ADAMTS6: variants seen among roughly 807,000 people sequenced by gnomAD.
The protein encoded by ADAMTS6 is ADAM metallopeptidase with thrombospondin type 1 motif 6.
Under a neutral mutation model 144.3 loss-of-function variants are expected in ADAMTS6, and 23 were observed. The ratio of observed to expected loss-of-function variants is 0.16; its 90% CI spans 0.11 to 0.23. The LOEUF (loss-of-function observed/expected upper bound fraction) is 0.23. Among genes scored for constraint, ADAMTS6 ranks in the 10% least tolerant of loss-of-function variants. ADAMTS6 has a pLI of 1.00. For missense variants in ADAMTS6, 999 were observed against 1,379.6 expected (o/e 0.72, Z 4.37); for synonymous variants, 444 against 457.5 (o/e 0.97, Z 0.38).
Position 65,452,158 on chromosome 5 carries a change from C to A in ADAMTS6, c.902G>T (p.Arg301Leu). 1 of 1,609,610 alleles carries A rather than the reference C, an allele frequency of 6.2e-7. No individual in the cohort carries two copies. Among genetic ancestry groups the A allele is most frequent in the Non-Finnish European group, 8.5e-7 (1 of 1,177,486 alleles). ...CTGATCTTCTGTGAGAACAATTAAG[C>A]GGGCCACTATAATATTCACAACGTT... The part of the protein sequence containing the change: ...LGNVVNIIVA[R>L]LIVLTEDQPN... The change falls in exon 6 of 25, where the codon CGC becomes CTC. Residue 301 changes from arginine (R) to leucine (L), a missense_variant. This residue lies in a region of ADAMTS6 where 128 missense variants were observed against 249.0 expected (regional missense o/e 0.51). Coordinates refer to ENST00000381055, the MANE Select transcript of ADAMTS6 (RefSeq NM_197941.4).
At chr5:65,278,085 G>C (rs894237403) in intron 11 of ADAMTS6, among the ~76,000 whole-genome samples, 6 of 140,606 alleles carry the variant, frequency 4.3e-5, no homozygotes, top group African/African-American at 1.6e-4. Context: ...TACAATGTTT[G>C]GTTTTCCACT....
At chr5:65,227,260 T>C (rs1265085347) in intron 15 of ADAMTS6, among the ~76,000 whole-genome samples, 5 of 152,322 alleles carry the variant, frequency 3.3e-5, no homozygotes, top group African/African-American at 9.6e-5. Context: ...CATTTTGTCA[T>C]TGAAATTTGT....
At chr5:65,402,673 C>T (rs57914305) in intron 7 of ADAMTS6, among the ~76,000 whole-genome samples, 5,891 of 150,014 alleles carry the variant, frequency 0.039, 411 homozygotes, top group African/African-American at 0.14. Context: ...AATAAATGTC[C>T]AGGCTCCTAT....
chr5:65,212,423 CTT>C (rs397881866), intron 20 of ADAMTS6, among the ~76,000 whole-genome samples: 6,714 of 107,766 alleles, frequency 0.062, 227 homozygotes, highest in South Asian at 0.093. Context: ...TTTTCTCTCT[CTT>C]TTTTTTTTTT....
intron 7 of ADAMTS6, among the ~76,000 whole-genome samples, chr5:65,403,049 C>T (rs1034756183): frequency 3.3e-5 from 5 of 151,976 alleles, no homozygotes; most frequent in Non-Finnish European, 7.4e-5. Flanking sequence ...ATCAATAGCT[C>T]CATCCCTCCT....
At chr5:65,260,880 T>C (rs1216368368) in intron 13 of ADAMTS6, among the ~76,000 whole-genome samples, 1 of 152,114 alleles carries the variant, frequency 6.6e-6, no homozygotes, top group African/African-American at 2.4e-5. Context: ...TTATTAATAG[T>C]ACTATTAATT....
At chr5:65,386,202 T>C (rs1296703188) in intron 7 of ADAMTS6, among the ~76,000 whole-genome samples, 1 of 152,208 alleles carries the variant, frequency 6.6e-6, no homozygotes, top group Non-Finnish European at 1.5e-5. Context: ...ATGTCTAACA[T>C]TGATAATATT....
intron 22 of ADAMTS6, among the ~76,000 whole-genome samples, chr5:65,183,543 C>T (rs1754484443): frequency 2.0e-5 from 3 of 151,878 alleles, no homozygotes; most frequent in South Asian, 2.1e-4. Context: ...TTTCAGGTAT[C>T]GACTGGGGGT....
chr5:65,393,648 T>C (rs1023911349), intron 7 of ADAMTS6, among the ~76,000 whole-genome samples: 1 of 152,210 alleles, frequency 6.6e-6, no homozygotes, highest in Non-Finnish European at 1.5e-5. Context: ...TCTCTGAGCA[T>C]GAATTTCTGG....
rs889322887 is a variant in ADAMTS6, at chr5:65,473,511, T to C, written c.97+66A>G. 1.6e-5 allele frequency: 22 copies of C among 1,391,966 alleles called. No homozygotes were observed. The South Asian group carries it at 2.2e-4, about 14-fold the overall frequency. The allele number at this position is 1,391,966 out of a possible 1,614,324, so 86.2% of individuals were successfully genotyped here. A position where few individuals can be genotyped will look rare whatever the true frequency, so the allele number is the denominator to read the frequency against. On this transcript the variant is annotated intron_variant, in intron 2 of 24. Transcript: ENST00000381055. ...AAAAACTATCCACCCAAACTAAATA[T>C]GCAGAATCTTTTCTTGTCCAATTAA...
chr5:65,154,965 C>A (rs1752329865), intron 24 of ADAMTS6, among the ~76,000 whole-genome samples: 1 of 152,126 alleles, frequency 6.6e-6, no homozygotes, highest in Non-Finnish European at 1.5e-5. Context: ...TGTGGGAGAT[C>A]TGGAGACTTC....
At chr5:65,158,317 G>T (rs1280671139) in intron 24 of ADAMTS6, among the ~76,000 whole-genome samples, 1 of 152,152 alleles carries the variant, frequency 6.6e-6, no homozygotes, top group Non-Finnish European at 1.5e-5. Context: ...CTTTCCCAGA[G>T]CTATTTACAT....
rs899243421 is a variant in ADAMTS6, at chr5:65,341,929, C to T, written c.1074-7844G>A. ...CCAATATCCCTGATAAATGTAGACACAAAAATCTTCAATAAAATAGTGGCA... is the reference window on the plus strand; with the variant it reads ...CCAATATCCCTGATAAATGTAGACATAAAAATCTTCAATAAAATAGTGGCA... On this transcript the variant is annotated intron_variant, in intron 7 of 24. Coordinates refer to ENST00000381055, the MANE Select transcript of ADAMTS6 (RefSeq NM_197941.4). Among the ~76,000 whole-genome samples, 2 of 151,950 alleles carry T rather than the reference C, an allele frequency of 1.3e-5. 1 individual carries two copies. The highest frequency in any genetic ancestry group is 4.2e-4 in the South Asian group (2 of 4,796).
intron 20 of ADAMTS6, among the ~76,000 whole-genome samples, chr5:65,204,233 T>C (rs183532371): frequency 6.6e-6 from 1 of 152,296 alleles, no homozygotes; most frequent in Non-Finnish European, 1.5e-5. Flanking sequence ...GCAGGATAAT[T>C]CAAAGAATTT....
At chr5:65,200,932 C>T (rs1198987988) in intron 20 of ADAMTS6, among the ~76,000 whole-genome samples, 1 of 152,188 alleles carries the variant, frequency 6.6e-6, no homozygotes, top group African/African-American at 2.4e-5. Context: ...AGAAATGTAA[C>T]CCTCACTTTT....
intron 9 of ADAMTS6, among the ~76,000 whole-genome samples, chr5:65,301,949 G>A (rs1743425792): frequency 1.3e-5 from 2 of 150,974 alleles, no homozygotes; most frequent in Non-Finnish European, 3.0e-5. Context: ...AAAATTAGCC[G>A]GGGGTGGTGG....
chr5:65,225,965 G>T, intron 16 of ADAMTS6, 121 bp downstream of exon 16: 3 of 1,069,434 alleles, frequency 2.8e-6, no homozygotes, highest in Non-Finnish European at 3.8e-6. Context: ...AATGGAAATT[G>T]AATTTCTCTA....
Position 65,214,841 on chromosome 5 carries a change from G to A in ADAMTS6, c.2528C>T (p.Thr843Ile). ...TGSGDNEVGF[T>I]WNHQPWSECS... ...TTCTGACCAAGGCTGATGATTCCAT[G>A]TAAAGCCAACTTCATTATCTCCACT... Residue 843 changes from threonine to isoleucine, a missense_variant, in exon 20 of 25, where the codon ACA (threonine) becomes ATA (isoleucine). Thr to Ile is a moderately conservative substitution (Grantham distance 89). This residue lies in a region of ADAMTS6 where 619 missense variants were observed against 837.0 expected (regional missense o/e 0.74). Transcript: ENST00000381055. This position sits in a 1 kb window ranked among gnomAD's most constrained non-coding sequence, Gnocchi z 4.6. 1 of 1,614,102 alleles carries A rather than the reference G, an allele frequency of 6.2e-7. No homozygotes were observed. The highest frequency in any genetic ancestry group is 1.3e-5 in the African/African-American group (1 of 74,994).
rs753253554 is a variant in ADAMTS6 at position 65,172,857 on chromosome 5, CGAG to C, written c.3059_3061del (p.Pro1020del). On this transcript the variant is annotated inframe_deletion, in exon 23 of 25. Transcript: ENST00000381055. Reference sequence around the variant, plus strand: ...CTGGCCCCAGTCTCCTGTGACCCAGCGAGGAGGAGGGCAGCGGCCCAAACTGCA... The same window carrying C: ...CTGGCCCCAGTCTCCTGTGACCCAGCGAGGAGGGCAGCGGCCCAAACTGCA... 2 of 1,614,056 alleles carry C rather than the reference CGAG, an allele frequency of 1.2e-6. No individual in the cohort carries two copies. Among genetic ancestry groups the C allele is most frequent in the East Asian group, 2.2e-5 (1 of 44,880 alleles).
Sources: gnomAD v4.1 joint callset for allele counts (sites outside exome capture counted in the v4.1 genomes callset) on GRCh38, gnomAD v4.1.1 for gene constraint, gnomAD v4.1.1 regional missense constraint, Gnocchi (gnomAD v3.1) non-coding constraint, MANE v1.5 for transcripts, NCBI Gene and HGNC (gene_info 2026-07-23, HGNC 2026-07-21) for gene names.